The following BTBD7 variants were observed in gnomAD, a reference collection of about 807,000 sequenced individuals.
BTBD7 encodes BTB/POZ domain-containing protein 7.
In BTBD7, 38 loss-of-function variants were observed where a neutral mutation model predicts 99.9. That is an observed-to-expected ratio of 0.38 (90% CI 0.29 to 0.50). BTBD7 has a LOEUF of 0.50. BTBD7 is among the 20% of genes least tolerant of loss of function. BTBD7 has a pLI of 0.93. For missense variants in BTBD7, 1,170 were observed against 1,394.6 expected (o/e 0.84, Z 2.57); for synonymous variants, 520 against 511.4 (o/e 1.02, Z -0.23).
At chr14:93,267,594 A>C (rs933314568) in intron 3 of BTBD7, among the ~76,000 whole-genome samples, 1 of 152,202 alleles carries the variant, frequency 6.6e-6, no homozygotes, top group African/African-American at 2.4e-5. Flanking sequence ...GCTGACTCCC[A>C]GTCACACCTG....
chr14:93,292,127 C>T (rs2052863617), intron 3 of BTBD7, among the ~76,000 whole-genome samples: 1 of 152,116 alleles, frequency 6.6e-6, no homozygotes, highest in Non-Finnish European at 1.5e-5. Flanking sequence ...GCGGAGGTTG[C>T]AGTGAGCCGA....
At chr14:93,277,421 T>A (rs1476141167) in intron 3 of BTBD7, among the ~76,000 whole-genome samples, 2 of 152,140 alleles carry the variant, frequency 1.3e-5, no homozygotes, top group African/African-American at 4.8e-5. Flanking sequence ...GGGAGCTAAC[T>A]CTGGGACCTA....
chr14:93,269,486 C>T (rs2052578194), intron 3 of BTBD7, among the ~76,000 whole-genome samples: 1 of 152,190 alleles, frequency 6.6e-6, no homozygotes, highest in Non-Finnish European at 1.5e-5. Context: ...GTGATCCTAA[C>T]ACAAACCCAT....
intron 3 of BTBD7, among the ~76,000 whole-genome samples, chr14:93,285,629 T>C (rs2052768640): frequency 6.6e-6 from 1 of 152,178 alleles, no homozygotes. Flanking sequence ...CAATGAACTT[T>C]TCCTCAAAAA....
chr14:93,279,991 G>T (rs1027635529), intron 3 of BTBD7, among the ~76,000 whole-genome samples: 1 of 152,150 alleles, frequency 6.6e-6, no homozygotes, highest in Non-Finnish European at 1.5e-5. Context: ...CTAATGTGAT[G>T]ATCAGATCTA....
intron 1 of BTBD7, among the ~76,000 whole-genome samples, chr14:93,326,388 G>C (rs561629467): frequency 6.6e-6 from 1 of 152,178 alleles, no homozygotes. Flanking sequence ...GACTGCTTGA[G>C]CCCAGGTAGT....
rs1226484547 is a variant in BTBD7, at chr14:93,238,133, A to G, written c.*4140T>C. 1 of 152,636 alleles carries G rather than the reference A, an allele frequency of 6.6e-6. No homozygotes were observed. Among genetic ancestry groups the G allele is most frequent in the Non-Finnish European group, 1.5e-5 (1 of 68,042 alleles). 9.5% of individuals were successfully genotyped at this position (152,636 alleles called of 1,614,324 possible). A position where few individuals can be genotyped will look rare whatever the true frequency, so the allele number is the denominator to read the frequency against. On this transcript the variant is annotated 3_prime_UTR_variant, in exon 11 of 11. Coordinates refer to ENST00000334746, the MANE Select transcript of BTBD7 (RefSeq NM_001002860.4). ...CTGATCTCTTAGACAGAACTCACAT[A>G]AACACACAAATACAAGAGGTTATTT... is the stretch of plus-strand genomic sequence containing the variant.
At chr14:93,285,641 T>C (rs1003310761) in intron 3 of BTBD7, among the ~76,000 whole-genome samples, 2 of 152,172 alleles carry the variant, frequency 1.3e-5, no homozygotes, top group Admixed American at 6.5e-5. Flanking sequence ...CCTCAAAAAA[T>C]TACCAATGAA....
At chr14:93,263,721 A>T in intron 4 of BTBD7, 64 bp downstream of exon 4, 1 of 1,451,866 alleles carries the variant, frequency 6.9e-7, no homozygotes, top group Non-Finnish European at 9.7e-7. Flanking sequence ...AGAGTAATAG[A>T]GCATAGATGG....
At chr14:93,298,620 C>T (rs1390964904) in intron 1 of BTBD7, among the ~76,000 whole-genome samples, 3 of 151,892 alleles carry the variant, frequency 2.0e-5, no homozygotes, top group Non-Finnish European at 2.9e-5. Context: ...TGGTTCCAAG[C>T]ATTTCAGATA....
rs965560691 is a variant in BTBD7 at position 93,251,338 on chromosome 14, A to G, written c.1942+125T>C. The G allele has an allele frequency of 3.5e-5, 37 of 1,061,560 alleles. No individual in the cohort carries two copies. The African/African-American group carries it at 5.3e-4, about 15-fold the overall frequency. The allele number at this position is 1,061,560 out of a possible 1,614,324, so 65.8% of individuals were successfully genotyped here. A position where few individuals can be genotyped will look rare whatever the true frequency, so the allele number is the denominator to read the frequency against. On this transcript the variant is annotated intron_variant, in intron 8 of 10. Transcript: ENST00000334746. ...TTAAAAGTGTTTATTCTTTAAGGAG[A>G]ACAAGGCATAAAAAGTATTGAAATG...
intron 1 of BTBD7, among the ~76,000 whole-genome samples, chr14:93,322,081 G>C (rs1300550789): frequency 6.6e-6 from 1 of 151,984 alleles, no homozygotes; most frequent in Non-Finnish European, 1.5e-5. Context: ...ACTTAAAAGA[G>C]TTGTTTGTTG....
chr14:93,307,279 A>G (rs1284315316), intron 1 of BTBD7, among the ~76,000 whole-genome samples: 1 of 152,198 alleles, frequency 6.6e-6, no homozygotes, highest in Non-Finnish European at 1.5e-5. Flanking sequence ...CAGCCTCCCA[A>G]GTAGCTAGAG....
At position 93,245,816 on chromosome 14, in the gene BTBD7, T is replaced by C. The variant is rs778587077; in HGVS notation, c.2583+9A>G. 2 of 1,608,560 alleles carry C rather than the reference T, an allele frequency of 1.2e-6. No individual in the cohort carries two copies. The highest frequency in any genetic ancestry group is 2.2e-5 in the East Asian group (1 of 44,822). ...GAATTTGAAGCAAGTTACTGAAGTG[T>C]TGACTTACCACTTGCTTCTCAGATG... is the stretch of plus-strand genomic sequence containing the variant. On this transcript the variant is annotated intron_variant, in intron 10 of 10. Transcript: ENST00000334746.
At position 93,243,096 on chromosome 14, in the gene BTBD7, C is replaced by T; in HGVS notation, c.2584-8G>A. ...CAGCACAGGTTGTGTTCGCTGCAGA[C>T]AGAGACAAAAATGGTGGGAGGGTTA... On this transcript the variant is annotated splice_region_variant and splice_polypyrimidine_tract_variant and intron_variant, in intron 10 of 10. Transcript: ENST00000334746. 6.2e-7 allele frequency: 1 copy of T among 1,600,846 alleles called. No individual in the cohort carries two copies.
chr14:93,270,365 G>A (rs2052588494), intron 3 of BTBD7, among the ~76,000 whole-genome samples: 1 of 152,094 alleles, frequency 6.6e-6, no homozygotes, highest in African/African-American at 2.4e-5. Flanking sequence ...CAAAGTGCTG[G>A]GATTACAGGC....
chr14:93,278,318 G>C (rs369823445), intron 3 of BTBD7, among the ~76,000 whole-genome samples: 1 of 152,216 alleles, frequency 6.6e-6, no homozygotes, highest in Admixed American at 6.5e-5. Context: ...GGAAGCTGAG[G>C]TAGGAGAATC....
chr14:93,316,020 C>T (rs944454294), intron 1 of BTBD7, among the ~76,000 whole-genome samples: 10 of 146,106 alleles, frequency 6.8e-5, no homozygotes, highest in African/African-American at 2.0e-4. Flanking sequence ...GGTGTGATCT[C>T]GGCTCACTGC....
At chr14:93,284,760 A>C (rs1323750479) in intron 3 of BTBD7, among the ~76,000 whole-genome samples, 7 of 152,190 alleles carry the variant, frequency 4.6e-5, no homozygotes, top group Non-Finnish European at 1.0e-4. Flanking sequence ...TGGCTAAGCA[A>C]AACAAGGAAA....
Sources: gnomAD v4.1 joint callset for allele counts (sites outside exome capture counted in the v4.1 genomes callset) on GRCh38, gnomAD v4.1.1 for gene constraint, MANE v1.5 for transcripts, NCBI Gene and HGNC (gene_info 2026-07-23, HGNC 2026-07-21) for gene names.